Variants in EXOC4 observed in about 807,000 individuals in gnomAD.
EXOC4 encodes exocyst complex component 4, also known as SEC8-like 1.
EXOC4 carries 71 observed loss-of-function variants against 107.2 expected under a neutral mutation model. The ratio of observed to expected loss-of-function variants is 0.66; its 90% CI spans 0.55 to 0.81. EXOC4 has a LOEUF of 0.81. Ranked by LOEUF, EXOC4 falls within the 30% of genes least tolerant of loss-of-function variation. EXOC4 has a pLI of 0.00. For missense variants in EXOC4, 1,108 were observed against 1,189.6 expected, an observed-to-expected ratio of 0.93 and a Z score of 1.01; for synonymous variants, 456 against 441.2, an observed-to-expected ratio of 1.03 and a Z score of -0.42.
rs560123212 is a variant in EXOC4, at chr7:133,808,623, TG to T, written c.1515-8701del. 2.5e-4 allele frequency among the ~76,000 whole-genome samples: 38 copies of T among 152,148 alleles called. 1 individual carries two copies. The highest frequency in any genetic ancestry group is 5.1e-4 in the Non-Finnish European group (35 of 68,034). On this transcript the variant is annotated intron_variant, in intron 10 of 17. Coordinates refer to ENST00000253861, the MANE Select transcript of EXOC4 (RefSeq NM_021807.4). ...GGCGCCTTCTTTCTGCAGACTGAGTTGTTTCCAGCCTTTTGCATGGCCTCAC... is the reference window on the plus strand; with the variant it reads ...GGCGCCTTCTTTCTGCAGACTGAGTTTTTCCAGCCTTTTGCATGGCCTCAC...
rs1352274984 is a variant in EXOC4 at position 133,317,275 on chromosome 7, C to T, written c.657-9C>T. The T allele has an allele frequency of 6.2e-7, 1 of 1,600,180 alleles. No individual in the cohort carries two copies. ...GAAAGTGGTAACTAGTGCTTCTTTT[C>T]CCGTTCAGCTCCCTCGTGAAAGATG... On this transcript the variant is annotated splice_polypyrimidine_tract_variant and intron_variant, in intron 4 of 17. Coordinates refer to ENST00000253861, the MANE Select transcript of EXOC4 (RefSeq NM_021807.4).
At chr7:133,805,331 C>G (rs2542273) in intron 10 of EXOC4, among the ~76,000 whole-genome samples, 131,660 of 152,120 alleles carry the variant, frequency 0.87, 57,167 homozygotes, top group East Asian at 0.99. Flanking sequence ...AGAAATAGAC[C>G]ACATGATCAT....
intron 7 of EXOC4, among the ~76,000 whole-genome samples, chr7:133,375,529 A>C (rs1252657113): frequency 1.3e-5 from 2 of 152,152 alleles, no homozygotes; most frequent in African/African-American, 2.4e-5. Context: ...TAAAAATAGA[A>C]GCATATTCTC....
At chr7:133,597,737 T>C (rs1287010718) in intron 9 of EXOC4, among the ~76,000 whole-genome samples, 1 of 151,646 alleles carries the variant, frequency 6.6e-6, no homozygotes, top group Non-Finnish European at 1.5e-5. Flanking sequence ...CCATTAAAAG[T>C]GATGTCATCA....
chr7:133,499,751 T>C (rs1207253506), intron 9 of EXOC4, among the ~76,000 whole-genome samples: 1 of 152,000 alleles, frequency 6.6e-6, no homozygotes, highest in Admixed American at 6.6e-5. Flanking sequence ...TGTGATAGGG[T>C]TCTCCTGAGA....
At chr7:134,007,888 C>G (rs2116344330) in intron 17 of EXOC4, 53 bp downstream of exon 17, 1 of 1,490,236 alleles carries the variant, frequency 6.7e-7, no homozygotes, top group South Asian at 1.3e-5. Context: ...GACCTCGTTG[C>G]CTGTGAAGTC....
At chr7:133,426,692 A>G (rs1797734421) in intron 7 of EXOC4, among the ~76,000 whole-genome samples, 2 of 152,382 alleles carry the variant, frequency 1.3e-5, no homozygotes, top group South Asian at 4.1e-4. Flanking sequence ...CATGGTGAAG[A>G]AAGAACTATT....
At chr7:133,706,952 G>A (rs1053994370) in intron 10 of EXOC4, among the ~76,000 whole-genome samples, 3 of 152,134 alleles carry the variant, frequency 2.0e-5, no homozygotes, top group Non-Finnish European at 4.4e-5. Flanking sequence ...TTCAGCCTGT[G>A]AATTTGGGGA....
intron 10 of EXOC4, among the ~76,000 whole-genome samples, chr7:133,737,218 CT>C (rs1254981016): frequency 6.6e-6 from 1 of 152,150 alleles, no homozygotes; most frequent in Non-Finnish European, 1.5e-5. Context: ...TTTTCACTGT[CT>C]TTTAATGTGT....
chr7:133,764,204 A>G (rs1243144813), intron 10 of EXOC4, among the ~76,000 whole-genome samples: 1 of 151,534 alleles, frequency 6.6e-6, no homozygotes, highest in Admixed American at 6.6e-5. Context: ...TGCAGCCCAC[A>G]TTCCCGTCAT....
At chr7:133,418,061 G>A (rs1318967441) in intron 7 of EXOC4, among the ~76,000 whole-genome samples, 1 of 152,084 alleles carries the variant, frequency 6.6e-6, no homozygotes, top group African/African-American at 2.4e-5. Context: ...GAACATAGCA[G>A]ATTTATTAGT....
intron 10 of EXOC4, among the ~76,000 whole-genome samples, chr7:133,775,352 A>G (rs982547088): frequency 6.6e-6 from 1 of 152,120 alleles, no homozygotes. Flanking sequence ...TAGCATGGAG[A>G]AATGACGTCA....
At chr7:133,906,033 G>T (rs1799557426) in intron 12 of EXOC4, among the ~76,000 whole-genome samples, 1 of 152,210 alleles carries the variant, frequency 6.6e-6, no homozygotes. Context: ...GGACAGTGTG[G>T]TTGGGTAGAA....
At chr7:133,951,246 A>G (rs990950996) in intron 14 of EXOC4, among the ~76,000 whole-genome samples, 2 of 152,240 alleles carry the variant, frequency 1.3e-5, no homozygotes, top group Admixed American at 1.3e-4. Flanking sequence ...CCTTAATTCT[A>G]TTCCTCAGCA....
intron 10 of EXOC4, among the ~76,000 whole-genome samples, chr7:133,775,540 T>G (rs1360362367): frequency 6.6e-6 from 1 of 152,190 alleles, no homozygotes; most frequent in African/African-American, 2.4e-5. Flanking sequence ...ATCTGCCAAA[T>G]ATATAACAGG....
intron 11 of EXOC4, among the ~76,000 whole-genome samples, chr7:133,852,088 T>C (rs1798249412): frequency 6.6e-6 from 1 of 152,232 alleles, no homozygotes; most frequent in Non-Finnish European, 1.5e-5. Flanking sequence ...TTTATAATTT[T>C]GTTCTCAAGC....
intron 4 of EXOC4, among the ~76,000 whole-genome samples, chr7:133,309,196 A>G (rs1794817037): frequency 6.6e-6 from 1 of 152,160 alleles, no homozygotes; most frequent in Admixed American, 6.6e-5. Flanking sequence ...TGTGAGAGGA[A>G]GTCTTTGTTT....
chr7:134,010,497 G>A (rs796468894), intron 17 of EXOC4, among the ~76,000 whole-genome samples: 29 of 151,678 alleles, frequency 1.9e-4, no homozygotes, highest in Admixed American at 1.1e-3. Context: ...TTTTTCCCCC[G>A]CTTCTTGTTT....
At chr7:133,435,494 A>G (rs896010848) in intron 7 of EXOC4, among the ~76,000 whole-genome samples, 13 of 152,200 alleles carry the variant, frequency 8.5e-5, no homozygotes, top group Non-Finnish European at 1.6e-4. Flanking sequence ...GCGACCAGAA[A>G]GCACTCTGTG....
Sources: gnomAD v4.1 joint callset for allele counts (sites outside exome capture counted in the v4.1 genomes callset) on GRCh38, gnomAD v4.1.1 for gene constraint, MANE v1.5 for transcripts, NCBI Gene and HGNC (gene_info 2026-07-23, HGNC 2026-07-21) for gene names.